IFIT1B: variants seen among roughly 807,000 people sequenced by gnomAD.
The protein encoded by IFIT1B is protein IFIT1 homolog B.
IFIT1B carries 3 observed loss-of-function variants against 2.5 expected under a neutral mutation model. That is an observed-to-expected ratio of 1.21 (90% confidence interval 0.55 to 3.14). The LOEUF (loss-of-function observed/expected upper bound fraction) is 3.14, where lower values mean the gene tolerates loss of function less well. Among genes scored for constraint, IFIT1B ranks in the 30% most tolerant of loss-of-function variants. The pLI is 0.03. For missense variants in IFIT1B, 545 were observed against 556.5 expected (o/e 0.98, Z 0.21); for synonymous variants, 196 against 203.0 (o/e 0.97, Z 0.29).
intron 1 of IFIT1B, among the ~76,000 whole-genome samples, chr10:89,382,123 T>A (rs1379385269): frequency 1.3e-5 from 2 of 152,164 alleles, no homozygotes; most frequent in African/African-American, 2.4e-5. Context: ...TCATCCATTT[T>A]TTGTGATTAG....
At chr10:89,383,116 AC>A (rs1844175645) in intron 1 of IFIT1B, among the ~76,000 whole-genome samples, 1 of 152,196 alleles carries the variant, frequency 6.6e-6, no homozygotes, top group Non-Finnish European at 1.5e-5. Flanking sequence ...TGTTGGCACT[AC>A]AAGATGATTA....
chr10:89,382,696 T>A (rs1844172028), intron 1 of IFIT1B, among the ~76,000 whole-genome samples: 1 of 152,258 alleles, frequency 6.6e-6, no homozygotes, highest in African/African-American at 2.4e-5. Context: ...GCTGCCCTTG[T>A]GAGGTGGTTC....
rs541334648 is a variant in IFIT1B at position 89,384,853 on chromosome 10, G to A, written c.*115G>A. 133 of 939,814 alleles carry A rather than the reference G, an allele frequency of 1.4e-4. No homozygotes were observed. In the African/African-American group the frequency reaches 1.9e-3, roughly 13 times the overall value. 58.2% of individuals were successfully genotyped at this position (939,814 alleles called of 1,614,324 possible). A position where few individuals can be genotyped will look rare whatever the true frequency, so the allele number is the denominator to read the frequency against. The stretch of plus-strand genomic sequence containing the variant: ...TTTACCTTATTTTGAGCCTTGAGAG[G>A]AATGTGGCTGTGTGGCCTGAGTTAT... On this transcript the variant is annotated 3_prime_UTR_variant, in exon 2 of 2. Coordinates refer to ENST00000371809, the MANE Select transcript of IFIT1B (RefSeq NM_001010987.2).
At chr10:89,379,465 T>C (rs1475951893) in intron 1 of IFIT1B, among the ~76,000 whole-genome samples, 2 of 152,174 alleles carry the variant, frequency 1.3e-5, no homozygotes, top group East Asian at 1.9e-4. Flanking sequence ...TTCCACAAAA[T>C]ATATATTTCT....
Position 89,383,938 on chromosome 10 carries a change from G to T in IFIT1B, c.625G>T (p.Ala209Ser), listed in dbSNP as rs1421099327. Residue 209 changes from alanine (A) to serine (S), a missense_variant, in exon 2 of 2, where the codon GCT becomes TCT. By Grantham distance (99) the Ala-to-Ser change is moderately conservative. Transcript: ENST00000371809. Reference protein sequence around the residue: ...KAFSLHVLKRAVRLNPDDVYI... With the variant: ...KAFSLHVLKRSVRLNPDDVYI... The stretch of plus-strand genomic sequence containing the variant: ...ATTTTCTCTGCACGTCCTAAAACGA[G>T]CTGTCAGGCTAAATCCAGATGATGT... 5 of 1,614,200 alleles carry T rather than the reference G, an allele frequency of 3.1e-6. No individual in the cohort carries two copies. The highest frequency in any genetic ancestry group is 3.3e-5 in the Admixed American group (2 of 60,022).
In IFIT1B at chr10:89,378,157, C is replaced by G. The variant is rs1251558947; in HGVS notation, c.5+17C>G. The G allele has an allele frequency of 4.3e-6, 7 of 1,613,302 alleles. No homozygotes were observed. Among genetic ancestry groups the G allele is most frequent in the Non-Finnish European group, 5.9e-6 (7 of 1,179,242 alleles). On this transcript the variant is annotated intron_variant, in intron 1 of 1. Coordinates refer to ENST00000371809, the MANE Select transcript of IFIT1B (RefSeq NM_001010987.2). ...CACCATGAGGTAAAGTCTTTCTCTG[C>G]TTCACTGACCTTATTTCTGCACACT...
At position 89,384,515 on chromosome 10, in the gene IFIT1B, AT is replaced by A. The variant is rs1844190271; in HGVS notation, c.1204del (p.Tyr402IlefsTer2). ...AAATCTCAAGATAAAGCAATTACCC[AT>A]TATTTAAAAGGTTTGAAAATAGAAA... is the stretch of plus-strand genomic sequence containing the variant. The part of the protein sequence containing the change: ...HGKSQDKAIT[H>X]YLKGLKIEKM... On this transcript the variant is annotated frameshift_variant, in exon 2 of 2. Transcript: ENST00000371809. LOFTEE classifies it low-confidence loss of function (END_TRUNC). 6.2e-6 allele frequency: 10 copies of A among 1,614,012 alleles called. No individual in the cohort carries two copies. The East Asian group carries it at 2.2e-4, about 36-fold the overall frequency.
rs1168302411 is a variant in IFIT1B, at chr10:89,382,211, A to T, written c.6-1108A>T. 2.6e-5 allele frequency among the ~76,000 whole-genome samples: 4 copies of T among 152,326 alleles called. No individual in the cohort carries two copies. In the East Asian group the frequency reaches 7.7e-4, roughly 29 times the overall value. On this transcript the variant is annotated intron_variant, in intron 1 of 1. Coordinates refer to ENST00000371809, the MANE Select transcript of IFIT1B (RefSeq NM_001010987.2). ...AAAATTGTTTTTGCTATACATTGCCATATAGAGAGTAAGAGAAAATTTCAT... is the reference window on the plus strand; with the variant it reads ...AAAATTGTTTTTGCTATACATTGCCTTATAGAGAGTAAGAGAAAATTTCAT...
intron 1 of IFIT1B, among the ~76,000 whole-genome samples, chr10:89,379,118 GT>G (rs572102391): frequency 6.8e-4 from 104 of 152,304 alleles, no homozygotes; most frequent in African/African-American, 1.3e-3. Flanking sequence ...AGAGATGGCT[GT>G]TTTTCTGTTG....
Position 89,384,755 on chromosome 10 carries a change from A to G in IFIT1B, c.*17A>G, listed in dbSNP as rs1844193378. 3 of 1,544,846 alleles carry G rather than the reference A, an allele frequency of 1.9e-6. No individual in the cohort carries two copies. In the East Asian group the frequency reaches 6.8e-5, roughly 35 times the overall value. ...ATATTTTAACATAGAGGTCACCATT[A>G]TCCATTTAATGGTCTTATAACTAAA... On this transcript the variant is annotated 3_prime_UTR_variant, in exon 2 of 2. Transcript: ENST00000371809.
chr10:89,384,508 A>G lies in IFIT1B; in HGVS notation c.1195A>G (p.Ile399Val). ...EHHGKSQDKA[I>V]THYLKGLKIE... Reference sequence around the variant, plus strand: ...TCATGGGAAATCTCAAGATAAAGCAATTACCCATTATTTAAAAGGTTTGAA... The same window carrying G: ...TCATGGGAAATCTCAAGATAAAGCAGTTACCCATTATTTAAAAGGTTTGAA... Residue 399 changes from isoleucine to valine, a missense_variant, in exon 2 of 2, where the codon ATT (isoleucine) becomes GTT (valine). Physicochemically the swap from Ile to Val is conservative, Grantham distance 29 (BLOSUM62 3). Coordinates refer to ENST00000371809, the MANE Select transcript of IFIT1B (RefSeq NM_001010987.2). 1.2e-6 allele frequency: 2 copies of G among 1,614,062 alleles called. No individual in the cohort carries two copies. The highest frequency in any genetic ancestry group is 2.2e-5 in the South Asian group (2 of 91,084).
chr10:89,384,741 T>C lies in IFIT1B; in HGVS notation c.*3T>C, dbSNP rs556728953. 3.6e-5 allele frequency: 57 copies of C among 1,592,434 alleles called. 2 individuals are homozygous for C. The highest frequency in any genetic ancestry group is 3.0e-4 in the African/African-American group (22 of 73,934). Reference sequence around the variant, plus strand: ...CTGACCTGAACCCTATATTTTAACATAGAGGTCACCATTATCCATTTAATG... The same window carrying C: ...CTGACCTGAACCCTATATTTTAACACAGAGGTCACCATTATCCATTTAATG... On this transcript the variant is annotated 3_prime_UTR_variant, in exon 2 of 2. Transcript: ENST00000371809.
In IFIT1B at chr10:89,384,857, G is replaced by A. The variant is rs1844194085; in HGVS notation, c.*119G>A. The A allele has an allele frequency of 1.0e-5, 9 of 867,226 alleles. No homozygotes were observed. In the Admixed American group the frequency reaches 2.1e-4, roughly 21 times the overall value. The allele number at this position is 867,226 out of a possible 1,614,324, so 53.7% of individuals were successfully genotyped here. ...CCTTATTTTGAGCCTTGAGAGGAAT[G>A]TGGCTGTGTGGCCTGAGTTATGTAG... On this transcript the variant is annotated 3_prime_UTR_variant, in exon 2 of 2. Transcript: ENST00000371809.
rs140983813 is a variant in IFIT1B, at chr10:89,384,675, T to C, written c.1362T>C (p.Ser454=). Residue 454 remains serine (S), a synonymous_variant, in exon 2 of 2, where the codon AGT becomes AGC. Transcript: ENST00000371809. ...TCCACAAATTGAAAGGAGAAGTAAG[T>C]GATGCTTTGCTGTGCTATGAGAGGG... ...GLIHKLKGEV[S]DALLCYERAL... is the part of the protein sequence containing the mutation. The C allele has an allele frequency of 3.2e-5, 52 of 1,614,074 alleles. No homozygotes were observed. The highest frequency in any genetic ancestry group is 4.2e-5 in the Non-Finnish European group (49 of 1,180,026).
chr10:89,384,680 C>T lies in IFIT1B; in HGVS notation c.1367C>T (p.Ala456Val). 1 of 1,614,188 alleles carries T rather than the reference C, an allele frequency of 6.2e-7. No homozygotes were observed. The highest frequency in any genetic ancestry group is 8.5e-7 in the Non-Finnish European group (1 of 1,180,020). Residue 456 changes from alanine (A) to valine (V), a missense_variant, in exon 2 of 2, where the codon GCT (alanine) becomes GTT (valine). By Grantham distance (64) the Ala-to-Val change is moderately conservative. Transcript: ENST00000371809. ...AAATTGAAAGGAGAAGTAAGTGATG[C>T]TTTGCTGTGCTATGAGAGGGCTCTG... is the stretch of plus-strand genomic sequence containing the variant. ...IHKLKGEVSD[A>V]LLCYERALRL... is the part of the protein sequence containing the mutation.
In IFIT1B at chr10:89,383,525, C is replaced by T. The variant is rs1002549954; in HGVS notation, c.212C>T (p.Ala71Val). 10 of 1,614,012 alleles carry T rather than the reference C, an allele frequency of 6.2e-6. No individual in the cohort carries two copies. The highest frequency in any genetic ancestry group is 8.5e-6 in the Non-Finnish European group (10 of 1,180,032). The change falls in exon 2 of 2, where the codon GCC (alanine) becomes GTC (valine). Residue 71 changes from alanine to valine, a missense_variant. By Grantham distance (64) the Ala-to-Val change is moderately conservative. Transcript: ENST00000371809. ...CACCTGAAAGGCCAGAATGAGGAAG[C>T]CCTGGTCAGCTTGAAAAAGGCTGAA... ...VKHLKGQNEE[A>V]LVSLKKAEDL...
At chr10:89,382,405 A>T (rs563326161) in intron 1 of IFIT1B, among the ~76,000 whole-genome samples, 1 of 152,192 alleles carries the variant, frequency 6.6e-6, no homozygotes, top group Admixed American at 6.5e-5. Flanking sequence ...TCATGTTCTT[A>T]TAGGGAGACT....
intron 1 of IFIT1B, among the ~76,000 whole-genome samples, chr10:89,379,035 T>C (rs917616573): frequency 4.6e-5 from 7 of 152,192 alleles, no homozygotes; most frequent in African/African-American, 1.4e-4. Flanking sequence ...CTTTTAGGCA[T>C]CCAGGTGAGA....
Position 89,383,450 on chromosome 10 carries a change from T to C in IFIT1B, c.137T>C (p.Leu46Pro). The C allele has an allele frequency of 6.8e-6, 11 of 1,614,250 alleles. No individual in the cohort carries two copies. The highest frequency in any genetic ancestry group is 8.5e-6 in the Non-Finnish European group (10 of 1,180,044). ...AGGATCTGGGAAGAGATTCAGTTCCTGGACACCAAATACAATGTGGGAATA... is the reference window on the plus strand; with the variant it reads ...AGGATCTGGGAAGAGATTCAGTTCCCGGACACCAAATACAATGTGGGAATA... The part of the protein sequence containing the change: ...ENRIWEEIQF[L>P]DTKYNVGIHN... The change falls in exon 2 of 2, where the codon CTG (leucine) becomes CCG (proline). Residue 46 changes from leucine to proline, a missense_variant. Physicochemically the swap from Leu to Pro is moderately conservative, Grantham distance 98. Coordinates refer to ENST00000371809, the MANE Select transcript of IFIT1B (RefSeq NM_001010987.2).
Sources: gnomAD v4.1 joint callset for allele counts (sites outside exome capture counted in the v4.1 genomes callset) on GRCh38, gnomAD v4.1.1 for gene constraint, MANE v1.5 for transcripts, NCBI Gene and HGNC (gene_info 2026-07-23, HGNC 2026-07-21) for gene names.